NRCAM: variants seen among roughly 807,000 people sequenced by gnomAD.
NRCAM encodes the protein NgCAM-related cell adhesion molecule.
Under a neutral mutation model 156.5 loss-of-function variants are expected in NRCAM, and 83 were observed. That is an observed-to-expected ratio of 0.53 (90% CI 0.44 to 0.64). NRCAM has a LOEUF of 0.64. Ranked by LOEUF, NRCAM falls within the 30% of genes least tolerant of loss-of-function variation. The pLI is 0.00. For synonymous variants in NRCAM, 538 were observed against 563.9 expected (o/e 0.95, Z 0.65); for missense variants, 1,417 against 1,597.3 (o/e 0.89, Z 1.92).
chr7:108,238,640 T>C (rs2095306572), intron 4 of NRCAM, among the ~76,000 whole-genome samples: 1 of 152,150 alleles, frequency 6.6e-6, no homozygotes, highest in South Asian at 2.1e-4. Flanking sequence ...GGAATATATT[T>C]AATATAAGAG....
At chr7:108,263,432 A>G (rs1164330001) in intron 3 of NRCAM, among the ~76,000 whole-genome samples, 1 of 152,226 alleles carries the variant, frequency 6.6e-6, no homozygotes, top group African/African-American at 2.4e-5. Flanking sequence ...CTCTTCACTA[A>G]CAGGTGCAAA....
intron 1 of NRCAM, among the ~76,000 whole-genome samples, chr7:108,431,885 C>T (rs978963922): frequency 2.0e-5 from 3 of 152,196 alleles, no homozygotes; most frequent in African/African-American, 7.2e-5. Flanking sequence ...TTATTCAGGG[C>T]TATGCAAGCC....
chr7:108,175,947 T>C (rs2060312935), intron 27 of NRCAM, among the ~76,000 whole-genome samples: 1 of 152,172 alleles, frequency 6.6e-6, no homozygotes, highest in Admixed American at 6.5e-5. Context: ...ACTGTTTCGA[T>C]TTCCTTGCTA....
intron 1 of NRCAM, among the ~76,000 whole-genome samples, chr7:108,441,646 C>G (rs536394598): frequency 3.1e-4 from 47 of 152,342 alleles, no homozygotes; most frequent in Non-Finnish European, 5.3e-4. Context: ...AGAATCCTAG[C>G]TCTGCAACTT....
intron 3 of NRCAM, among the ~76,000 whole-genome samples, chr7:108,245,582 G>A (rs180778460): frequency 6.6e-6 from 1 of 152,264 alleles, no homozygotes; most frequent in African/African-American, 2.4e-5. Context: ...AAGTACAAAA[G>A]ACCACAGAAT....
chr7:108,186,945 C>G (rs2067210217), intron 20 of NRCAM, among the ~76,000 whole-genome samples: 1 of 152,146 alleles, frequency 6.6e-6, no homozygotes, highest in African/African-American at 2.4e-5. Flanking sequence ...AAAGTTGAAC[C>G]TGTAATCTGC....
intron 1 of NRCAM, among the ~76,000 whole-genome samples, chr7:108,452,254 C>T (rs1011340227): frequency 1.3e-5 from 2 of 152,162 alleles, no homozygotes; most frequent in African/African-American, 4.8e-5. Context: ...GATGTTCTCA[C>T]CACACATACA....
Position 108,260,868 on chromosome 7 carries a change from T to C in NRCAM, c.-106-20698A>G, listed in dbSNP as rs542852469. 1.2e-4 allele frequency among the ~76,000 whole-genome samples: 19 copies of C among 152,278 alleles called. No homozygotes were observed. In the South Asian group the frequency reaches 3.9e-3, roughly 32 times the overall value. Reference sequence around the variant, plus strand: ...ATGGGCAGGACTTGAGACTGGAGGATAGGCCATTTGGGGAAGGTTTATGTG... The same window carrying C: ...ATGGGCAGGACTTGAGACTGGAGGACAGGCCATTTGGGGAAGGTTTATGTG... On this transcript the variant is annotated intron_variant, in intron 3 of 32. Coordinates refer to ENST00000379028, the MANE Select transcript of NRCAM (RefSeq NM_001037132.4).
chr7:108,401,668 T>A (rs1338972494), intron 1 of NRCAM, among the ~76,000 whole-genome samples: 4 of 152,232 alleles, frequency 2.6e-5, no homozygotes, highest in Non-Finnish European at 5.9e-5. Context: ...ACTATTATCA[T>A]TGCCAATGTA....
intron 2 of NRCAM, among the ~76,000 whole-genome samples, chr7:108,316,687 A>C (rs971256718): frequency 6.6e-6 from 1 of 151,862 alleles, no homozygotes; most frequent in Admixed American, 6.6e-5. Context: ...CAGGAGGTTG[A>C]GGCAGAACAA....
intron 3 of NRCAM, among the ~76,000 whole-genome samples, chr7:108,251,342 A>G (rs561364671): frequency 7.9e-5 from 12 of 152,352 alleles, no homozygotes; most frequent in African/African-American, 2.9e-4. Flanking sequence ...CTGGGTTAAA[A>G]TACTTACAAA....
chr7:108,341,932 A>C (rs147675747), intron 2 of NRCAM, among the ~76,000 whole-genome samples: 1,575 of 152,196 alleles, frequency 0.01, 25 homozygotes, highest in African/African-American at 0.036. Context: ...TGCTTTCCCA[A>C]ATACCATAGG....
intron 5 of NRCAM, among the ~76,000 whole-genome samples, chr7:108,236,287 A>T (rs1047958904): frequency 6.6e-6 from 1 of 152,192 alleles, no homozygotes; most frequent in Non-Finnish European, 1.5e-5. Context: ...TTCAAATAAC[A>T]GCTAAAGTAC....
intron 8 of NRCAM, among the ~76,000 whole-genome samples, chr7:108,227,416 T>C (rs1425129473): frequency 3.3e-5 from 5 of 152,336 alleles, no homozygotes; most frequent in Admixed American, 2.6e-4. Flanking sequence ...CAAATCATGG[T>C]AATTAGCATA....
chr7:108,447,259 CTTTTTTTTTTT>C (rs34273772), intron 1 of NRCAM, among the ~76,000 whole-genome samples: 1 of 84,256 alleles, frequency 1.2e-5, no homozygotes, highest in African/African-American at 4.6e-5. Flanking sequence ...TCACTTCTTT[CTTTTTTTTTTT>C]TTTTTTTTTT....
intron 1 of NRCAM, among the ~76,000 whole-genome samples, chr7:108,429,391 A>C (rs938630197): frequency 6.6e-6 from 1 of 152,066 alleles, no homozygotes; most frequent in African/African-American, 2.4e-5. Context: ...ATGGCTTTAC[A>C]ATATTGGCCA....
intron 1 of NRCAM, among the ~76,000 whole-genome samples, chr7:108,411,675 G>T (rs1417681543): frequency 6.6e-6 from 1 of 152,126 alleles, no homozygotes; most frequent in Non-Finnish European, 1.5e-5. Flanking sequence ...GATTACAGGT[G>T]TGCGCCACCA....
chr7:108,434,539 T>A (rs1392614735), intron 1 of NRCAM, among the ~76,000 whole-genome samples: 1 of 120,106 alleles, frequency 8.3e-6, no homozygotes, highest in African/African-American at 3.4e-5. Context: ...GCCAATGGAA[T>A]GTACACACAC....
chr7:108,311,051 G>GT (rs1438488789), intron 3 of NRCAM, among the ~76,000 whole-genome samples: 1 of 152,174 alleles, frequency 6.6e-6, no homozygotes, highest in Non-Finnish European at 1.5e-5. Context: ...AGCACCTGCT[G>GT]TTGAGCCAAG....
Sources: gnomAD v4.1 joint callset for allele counts (sites outside exome capture counted in the v4.1 genomes callset) on GRCh38, gnomAD v4.1.1 for gene constraint, MANE v1.5 for transcripts, NCBI Gene and HGNC (gene_info 2026-07-23, HGNC 2026-07-21) for gene names.